MYOM1: variants seen among roughly 807,000 people sequenced by gnomAD.
The protein encoded by MYOM1 is myomesin 1, also known as myomesin-1.
A neutral mutation model predicts 205.3 loss-of-function variants in MYOM1; 164 were observed. The ratio of observed to expected loss-of-function variants is 0.80; its 90% CI spans 0.70 to 0.91. MYOM1 has a LOEUF of 0.91. MYOM1 is among the 40% of genes least tolerant of loss of function. The pLI is 0.00. For synonymous variants in MYOM1, 772 were observed against 789.4 expected (o/e 0.98, Z 0.37); for missense variants, 2,011 against 2,127.3 (o/e 0.95, Z 1.08).
chr18:3,222,542 A>G (rs1370287871), upstream of MYOM1, among the ~76,000 whole-genome samples: 1 of 152,228 alleles, frequency 6.6e-6, no homozygotes, highest in Admixed American at 6.5e-5. Flanking sequence ...CAAGGATGAA[A>G]GTTCAGTAAA....
intron 5 of MYOM1, among the ~76,000 whole-genome samples, chr18:3,181,958 T>A: frequency 6.6e-6 from 1 of 152,096 alleles, no homozygotes; most frequent in Non-Finnish European, 1.5e-5. Flanking sequence ...GGTCTCGAAC[T>A]CTGGACCTCA....
chr18:3,146,430 G>C (rs1354524155), intron 13 of MYOM1, among the ~76,000 whole-genome samples: 1 of 151,982 alleles, frequency 6.6e-6, no homozygotes, highest in Middle Eastern at 3.2e-3. Context: ...AGGACTGTGA[G>C]GTTTAGTTTG....
At chr18:3,201,646 A>G (rs760553016) in intron 2 of MYOM1, among the ~76,000 whole-genome samples, 10 of 151,634 alleles carry the variant, frequency 6.6e-5, no homozygotes, top group Admixed American at 6.6e-4. Context: ...ATATTCTATT[A>G]AATTCTTTTT....
At chr18:3,090,829 G>A in intron 26 of MYOM1, 27 bp from the exon 27 acceptor site, 1 of 1,612,844 alleles carries the variant, frequency 6.2e-7, no homozygotes, top group Non-Finnish European at 8.5e-7. Flanking sequence ...AAATGACAGA[G>A]AAATCACTGA....
At chr18:3,240,239 CTTTGTCTTTT>C in the MYOM1 span, among the ~76,000 whole-genome samples, 1 of 152,104 alleles carries the variant, frequency 6.6e-6, no homozygotes, top group African/African-American at 2.4e-5. Flanking sequence ...TATCAGGAAT[CTTTGTCTTTT>C]AACAGTTAAA....
chr18:3,089,212 C>A lies in MYOM1; in HGVS notation c.4099G>T (p.Glu1367Ter), dbSNP rs752653048. The A allele has an allele frequency of 1.9e-6, 3 of 1,611,784 alleles. No homozygotes were observed. The South Asian group carries it at 3.3e-5, about 18-fold the overall frequency. Residue 1367 changes from glutamate to a stop codon, truncating the protein, a stop_gained, in exon 29 of 38, where the codon GAA becomes TAA. Coordinates refer to ENST00000356443, the MANE Select transcript of MYOM1 (RefSeq NM_003803.4). LOFTEE classifies it high-confidence loss of function. Reference protein sequence around the residue: ...GPHFVEYLSWEVTGECNVLLK... With the variant: ...GPHFVEYLSW ...AGTACATTACATTCACCAGTCACTT[C>A]CCAGCTCAAATACTCAACAAAGTGA...
In MYOM1 at chr18:3,209,786, C is replaced by T. The variant is rs142367322; in HGVS notation, c.290+5148G>A. 3.0e-4 allele frequency among the ~76,000 whole-genome samples: 46 copies of T among 152,338 alleles called. No individual in the cohort carries two copies. The highest frequency in any genetic ancestry group is 8.4e-4 in the African/African-American group (35 of 41,578). On this transcript the variant is annotated intron_variant, in intron 2 of 37. Coordinates refer to ENST00000356443, the MANE Select transcript of MYOM1 (RefSeq NM_003803.4). This position sits in a 1 kb window ranked among gnomAD's most constrained non-coding sequence, Gnocchi z 4.0. Reference sequence around the variant, plus strand: ...TGACTGCCCTCTTGAAAATTCTAACCTGCACTCTTGGCCCATGTCCCTGAT... The same window carrying T: ...TGACTGCCCTCTTGAAAATTCTAACTTGCACTCTTGGCCCATGTCCCTGAT...
At chr18:3,071,742 T>C in intron 37 of MYOM1, 92 bp downstream of exon 37, 1 of 1,264,056 alleles carries the variant, frequency 7.9e-7, no homozygotes, top group Non-Finnish European at 1.1e-6. Flanking sequence ...TGGTGGGCTG[T>C]TAAGTGTGCC....
intron 31 of MYOM1, among the ~76,000 whole-genome samples, chr18:3,084,439 T>G (rs531136910): frequency 6.6e-6 from 1 of 152,338 alleles, no homozygotes; most frequent in East Asian, 1.9e-4. Context: ...TTCATCAGCC[T>G]GATAATGCTT....
Position 3,189,166 on chromosome 18 carries a change from C to T in MYOM1, c.432-79G>A. On this transcript the variant is annotated intron_variant, in intron 3 of 37. Coordinates refer to ENST00000356443, the MANE Select transcript of MYOM1 (RefSeq NM_003803.4). This position sits in a 1 kb window ranked among gnomAD's most constrained non-coding sequence, Gnocchi z 4.8. ...GAGTAATTTTACTAAGTTCAAAGTA[C>T]CACATCTCAGACACTGTATCCTGCA... 1 of 1,352,070 alleles carries T rather than the reference C, an allele frequency of 7.4e-7. No homozygotes were observed. The highest frequency in any genetic ancestry group is 2.0e-5 in the Admixed American group (1 of 50,166). The allele number at this position is 1,352,070 out of a possible 1,614,324, so 83.8% of individuals were successfully genotyped here.
At chr18:3,104,252 G>A (rs2079421412) in intron 22 of MYOM1, among the ~76,000 whole-genome samples, 1 of 152,196 alleles carries the variant, frequency 6.6e-6, no homozygotes, top group South Asian at 2.1e-4. Flanking sequence ...TATACAGTTT[G>A]TGTGACTGAG....
At chr18:3,070,171 G>A (rs1323734749) in intron 37 of MYOM1, among the ~76,000 whole-genome samples, 1 of 152,150 alleles carries the variant, frequency 6.6e-6, no homozygotes, top group Non-Finnish European at 1.5e-5. Flanking sequence ...TTTGTAGACA[G>A]TGTCTCACTG....
chr18:3,134,803 T>C lies in MYOM1; in HGVS notation c.2231A>G (p.Lys744Arg). Residue 744 changes from lysine (K) to arginine (R), a missense_variant, in exon 16 of 38, where the codon AAA becomes AGA. Lys to Arg is a conservative substitution (Grantham distance 26). Transcript: ENST00000356443. ...GTCTGTGTTTCTGCTTGGGATGATTTTGCCAGGAGCCTTGGGGATATCTGA... is the reference window on the plus strand; with the variant it reads ...GTCTGTGTTTCTGCTTGGGATGATTCTGCCAGGAGCCTTGGGGATATCTGA... ...DKLDIPKAPG[K>R]IIPSRNTDTS... The C allele has an allele frequency of 6.2e-7, 1 of 1,613,954 alleles. No individual in the cohort carries two copies. The highest frequency in any genetic ancestry group is 1.1e-5 in the South Asian group (1 of 91,088).
chr18:3,217,199 AGCCC>A (rs2081279197), intron 1 of MYOM1: 1 of 152,308 alleles, frequency 6.6e-6, no homozygotes, highest in Non-Finnish European at 1.5e-5. Context: ...TAGCTATGAT[AGCCC>A]GGGCAAAAGA....
chr18:3,085,247 T>A, intron 30 of MYOM1, 115 bp from the exon 31 acceptor site: 4 of 128,560 alleles, frequency 3.1e-5, no homozygotes, highest in Non-Finnish European at 4.4e-5. Context: ...TTTTTTTTTT[T>A]TTTTTTTTTT....
chr18:3,074,961 T>C (rs2079004621), intron 36 of MYOM1, among the ~76,000 whole-genome samples: 1 of 152,064 alleles, frequency 6.6e-6, no homozygotes, highest in Non-Finnish European at 1.5e-5. Context: ...ACCCGGCTAA[T>C]TTTTGTATTT....
At chr18:3,195,565 C>T (rs149313221) in intron 2 of MYOM1, among the ~76,000 whole-genome samples, 1,860 of 152,220 alleles carry the variant, frequency 0.012, 31 homozygotes, top group African/African-American at 0.042. Flanking sequence ...TCATTTTTTC[C>T]CCTGTTTCCA....
the MYOM1 span, among the ~76,000 whole-genome samples, chr18:3,242,437 A>G: frequency 5.9e-5 from 9 of 152,166 alleles, no homozygotes; most frequent in African/African-American, 1.4e-4. Flanking sequence ...AATGATTGTG[A>G]AGCCTCCCCA....
At chr18:3,245,731 C>T in the MYOM1 span, among the ~76,000 whole-genome samples, 1 of 152,020 alleles carries the variant, frequency 6.6e-6, no homozygotes, top group Non-Finnish European at 1.5e-5. Context: ...CTCTGCCTGG[C>T]ATCTCCCTCT....
Sources: allele counts gnomAD v4.1 joint callset (sites outside exome capture counted in the v4.1 genomes callset), GRCh38; gene constraint gnomAD v4.1.1; non-coding constraint Gnocchi (gnomAD v3.1); transcripts MANE v1.5; gene names NCBI Gene and HGNC (gene_info 2026-07-23, HGNC 2026-07-21).